The following CLVS1 variants were observed in gnomAD, a reference collection of about 807,000 sequenced individuals.
CLVS1 encodes the protein clavesin-1.
A neutral mutation model predicts 33.1 loss-of-function variants in CLVS1; 10 were observed. That is an observed-to-expected ratio of 0.30 (90% CI 0.19 to 0.51). The LOEUF (loss-of-function observed/expected upper bound fraction) is 0.51. Among genes scored for constraint, CLVS1 ranks in the 20% least tolerant of loss-of-function variants. The probability of loss-of-function intolerance (pLI) is 0.97; values close to 1 mark genes in which losing one functional copy is unlikely to be tolerated. For synonymous variants in CLVS1, 163 were observed against 166.1 expected, an observed-to-expected ratio of 0.98 and a Z score of 0.14; for missense variants, 343 against 433.4, an observed-to-expected ratio of 0.79 and a Z score of 1.85.
chr8:60,971,131 AGGTG>A, the CLVS1 span, among the ~76,000 whole-genome samples: 1 of 127,154 alleles, frequency 7.9e-6, no homozygotes, highest in Non-Finnish European at 1.5e-5. Context: ...GCTGGAGTGC[AGGTG>A]GCACAATCAC....
At chr8:61,390,153 G>A (rs1000932827) in intron 3 of CLVS1, among the ~76,000 whole-genome samples, 5 of 152,092 alleles carry the variant, frequency 3.3e-5, no homozygotes, top group African/African-American at 1.2e-4. Context: ...TGCTAATTCT[G>A]ATAAATAAAA....
intron 3 of CLVS1, among the ~76,000 whole-genome samples, chr8:61,419,245 A>G (rs1350235424): frequency 6.6e-6 from 1 of 151,808 alleles, no homozygotes; most frequent in Non-Finnish European, 1.5e-5. Flanking sequence ...AAAAATACGA[A>G]AATTAGCTGG....
At chr8:61,088,502 A>G (rs201773657) in intron 1 of CLVS1, among the ~76,000 whole-genome samples, 4 of 149,792 alleles carry the variant, frequency 2.7e-5, no homozygotes, top group African/African-American at 1.0e-4. Context: ...AAAAAAAAAA[A>G]AAAAGGAGCA....
intron 1 of CLVS1, among the ~76,000 whole-genome samples, chr8:61,089,277 C>T (rs995307828): frequency 1.3e-5 from 2 of 152,146 alleles, no homozygotes; most frequent in African/African-American, 4.8e-5. Flanking sequence ...ATAGATGGAA[C>T]ACTCTGTCTC....
At chr8:61,041,984 A>AG in the CLVS1 span, among the ~76,000 whole-genome samples, 1 of 152,124 alleles carries the variant, frequency 6.6e-6, no homozygotes, top group African/African-American at 2.4e-5. Context: ...GAATTATACG[A>AG]GAAAAAAAAT....
At chr8:61,454,936 G>C (rs1043721891) in intron 4 of CLVS1, among the ~76,000 whole-genome samples, 5 of 152,156 alleles carry the variant, frequency 3.3e-5, no homozygotes, top group Non-Finnish European at 5.9e-5. Context: ...GAAATCTAAT[G>C]AGACAGCTAA....
chr8:61,450,496 G>A (rs553455789), intron 3 of CLVS1, among the ~76,000 whole-genome samples: 3 of 152,222 alleles, frequency 2.0e-5, no homozygotes, highest in African/African-American at 7.2e-5. Context: ...ATCACAGAGG[G>A]CCCTGGTCAC....
At chr8:61,383,822 G>A (rs756654298) in intron 3 of CLVS1, among the ~76,000 whole-genome samples, 1 of 152,170 alleles carries the variant, frequency 6.6e-6, no homozygotes, top group Non-Finnish European at 1.5e-5. Flanking sequence ...AACCTCACCA[G>A]CCCTCTGATT....
At chr8:61,088,685 TC>T (rs1489402767) in intron 1 of CLVS1, among the ~76,000 whole-genome samples, 1 of 152,128 alleles carries the variant, frequency 6.6e-6, no homozygotes, top group Non-Finnish European at 1.5e-5. Context: ...TTCTACCAAA[TC>T]CTTTTCCAAA....
At chr8:61,416,626 C>T (rs932981740) in intron 3 of CLVS1, among the ~76,000 whole-genome samples, 4 of 152,302 alleles carry the variant, frequency 2.6e-5, no homozygotes, top group Middle Eastern at 6.8e-3. Context: ...TATGCAGGAA[C>T]AAACCTTCAC....
intron 3 of CLVS1, among the ~76,000 whole-genome samples, chr8:61,409,637 A>G (rs1815139553): frequency 6.6e-6 from 1 of 152,224 alleles, no homozygotes; most frequent in Non-Finnish European, 1.5e-5. Context: ...CATTTTGCAC[A>G]TGTACAATTA....
At chr8:61,078,371 GTGTT>G (rs918149309) in intron 1 of CLVS1, among the ~76,000 whole-genome samples, 2 of 152,198 alleles carry the variant, frequency 1.3e-5, no homozygotes, top group African/African-American at 2.4e-5. Flanking sequence ...CTTAGAGTGT[GTGTT>G]TGTTTATCTG....
chr8:61,060,217 G>A (rs1056912763), intron 1 of CLVS1, among the ~76,000 whole-genome samples: 1 of 152,006 alleles, frequency 6.6e-6, no homozygotes, highest in African/African-American at 2.4e-5. Context: ...TTCTTACTTG[G>A]AGCACTTTCC....
At chr8:61,438,197 G>A (rs1816414310) in intron 3 of CLVS1, among the ~76,000 whole-genome samples, 1 of 152,024 alleles carries the variant, frequency 6.6e-6, no homozygotes, top group Non-Finnish European at 1.5e-5. Context: ...TCCCCCAACA[G>A]GCACCAGTGT....
chr8:61,039,955 T>C, the CLVS1 span, among the ~76,000 whole-genome samples: 2 of 152,228 alleles, frequency 1.3e-5, no homozygotes, highest in African/African-American at 4.8e-5. Context: ...GTAATGAACA[T>C]AATATCGGAT....
intron 5 of CLVS1, among the ~76,000 whole-genome samples, chr8:61,472,805 GC>G (rs1171193189): frequency 1.3e-5 from 2 of 152,014 alleles, no homozygotes; most frequent in Non-Finnish European, 2.9e-5. Context: ...CCTCTCTGTG[GC>G]CTACTTTTCC....
At chr8:61,020,053 A>G in the CLVS1 span, among the ~76,000 whole-genome samples, 1 of 152,248 alleles carries the variant, frequency 6.6e-6, no homozygotes, top group Non-Finnish European at 1.5e-5. Flanking sequence ...GAGGCCAGTC[A>G]GGTGGCTTAG....
intron 2 of CLVS1, among the ~76,000 whole-genome samples, chr8:61,346,958 A>G (rs997922694): frequency 1.3e-5 from 2 of 152,222 alleles, no homozygotes; most frequent in African/African-American, 2.4e-5. Context: ...AGATGACTGC[A>G]AGTGGTAAAA....
intron 2 of CLVS1, among the ~76,000 whole-genome samples, chr8:61,212,920 G>A (rs1808002656): frequency 1.3e-5 from 2 of 152,108 alleles, no homozygotes; most frequent in South Asian, 4.1e-4. Context: ...CCAGTGTCGG[G>A]GACAGGTGAA....
Sources: gnomAD v4.1 joint callset for allele counts (sites outside exome capture counted in the v4.1 genomes callset) on GRCh38, gnomAD v4.1.1 for gene constraint, MANE v1.5 for transcripts, NCBI Gene and HGNC (gene_info 2026-07-23, HGNC 2026-07-21) for gene names.